The following OR9A2 variants were observed in gnomAD, a reference collection of about 807,000 sequenced individuals.
OR9A2 encodes olfactory receptor 9A2.
Under a neutral mutation model 18.7 loss-of-function variants are expected in OR9A2, and 14 were observed. That is an observed-to-expected ratio of 0.75 (90% confidence interval 0.50 to 1.17). The LOEUF is 1.17. Ranked by LOEUF, OR9A2 falls within the 50% of genes most tolerant of loss-of-function variation. The pLI is 0.00. For missense variants in OR9A2, 353 were observed against 372.7 expected (o/e 0.95, Z 0.44); for synonymous variants, 142 against 142.6 (o/e 1.00, Z 0.03).
At position 143,026,488 on chromosome 7, in the gene OR9A2, G is replaced by C. The variant is rs771444215; in HGVS notation, c.645C>G (p.Thr215=). 3 of 1,614,076 alleles carry C rather than the reference G, an allele frequency of 1.9e-6. No individual in the cohort carries two copies. The highest frequency in any genetic ancestry group is 2.2e-5 in the South Asian group (2 of 91,064). ...TCTTGAGGATGGTGGAGATAATGTAGGTGTAGGAGACAATCGTAGGGATCA... is the reference window on the plus strand; with the variant it reads ...TCTTGAGGATGGTGGAGATAATGTACGTGTAGGAGACAATCGTAGGGATCA... The part of the protein sequence containing the change: ...GSLIPTIVSY[T]YIISTILKIP... Residue 215 remains threonine (T), a synonymous_variant, in exon 1 of 1, where the codon ACC becomes ACG. Transcript: ENST00000350513.
rs1469895177 is a variant in OR9A2, at chr7:143,027,083, G to A, written c.50C>T (p.Pro17Leu). ...AATGTGGTGTAGTCCTTGGGACCCA[G>A]GGAAGCCTAGAAGGTGGAATTCAGT... ...SATEFHLLGF[P>L]GSQGLHHILF... is the part of the protein sequence containing the mutation. The change falls in exon 1 of 1, where the codon CCT becomes CTT. Residue 17 changes from proline (P) to leucine (L), a missense_variant. Transcript: ENST00000350513. The A allele has an allele frequency of 1.9e-6, 3 of 1,611,870 alleles. No individual in the cohort carries two copies. The highest frequency in any genetic ancestry group is 1.3e-5 in the African/African-American group (1 of 74,814).
Position 143,026,878 on chromosome 7 carries a change from G to A in OR9A2, c.255C>T (p.Leu85=), listed in dbSNP as rs1439253644. Residue 85 remains leucine, a synonymous_variant, in exon 1 of 1, where the codon CTC becomes CTT. Coordinates refer to ENST00000350513, the MANE Select transcript of OR9A2 (RefSeq NM_001001658.1). ...AAAGATACTGTCTGCATCCCAGGAA[G>A]AGCAATCCCCAAAGCATCATGGGGA... ...IIVPMMLWGL[L]FLGCRQYLSL... The A allele has an allele frequency of 8.1e-6, 13 of 1,614,036 alleles. No homozygotes were observed. Among genetic ancestry groups the A allele is most frequent in the Non-Finnish European group, 1.1e-5 (13 of 1,180,038 alleles).
chr7:143,026,365 C>A lies in OR9A2; in HGVS notation c.768G>T (p.Val256=), dbSNP rs1797839808. 1.2e-6 allele frequency: 2 copies of A among 1,614,072 alleles called. No individual in the cohort carries two copies. Among genetic ancestry groups the A allele is most frequent in the Non-Finnish European group, 1.7e-6 (2 of 1,180,014 alleles). ...IGYGSCLFLY[V]KPKQTQGVEY... is the part of the protein sequence containing the mutation. ...CAACTCCCTGTGTTTGCTTGGGTTT[C>A]ACGTAGAGAAACAAGCAGCTGCCAT... Residue 256 remains valine, a synonymous_variant, in exon 1 of 1, where the codon GTG becomes GTT. Transcript: ENST00000350513.
rs1344691305 is a variant in OR9A2, at chr7:143,026,884, T to TC, written c.248dup (p.Leu84IlefsTer41). Reference sequence around the variant, plus strand: ...ACTGTCTGCATCCCAGGAAGAGCAATCCCCAAAGCATCATGGGGACAATTA... The same window carrying TC: ...ACTGTCTGCATCCCAGGAAGAGCAATCCCCCAAAGCATCATGGGGACAATTA... On this transcript the variant is annotated frameshift_variant, in exon 1 of 1. Coordinates refer to ENST00000350513, the MANE Select transcript of OR9A2 (RefSeq NM_001001658.1). LOFTEE classifies it high-confidence loss of function. 4 of 1,614,062 alleles carry TC rather than the reference T, an allele frequency of 2.5e-6. No homozygotes were observed. The highest frequency in any genetic ancestry group is 3.4e-6 in the Non-Finnish European group (4 of 1,180,026).
rs1797853516 is a variant in OR9A2, at chr7:143,026,911, G to A, written c.222C>T (p.Thr74=). ...HLSTLEILVT[T]IIVPMMLWGL... ...CCCAAAGCATCATGGGGACAATTAT[G>A]GTTGTGACCAGGATCTCCAGGGTAG... Residue 74 remains threonine, a synonymous_variant, in exon 1 of 1, where the codon ACC becomes ACT. Coordinates refer to ENST00000350513, the MANE Select transcript of OR9A2 (RefSeq NM_001001658.1). 3.1e-6 allele frequency: 5 copies of A among 1,614,050 alleles called. No homozygotes were observed. Among genetic ancestry groups the A allele is most frequent in the Non-Finnish European group, 3.4e-6 (4 of 1,180,014 alleles).
rs746450916 is a variant in OR9A2 at position 143,026,765 on chromosome 7, C to T, written c.368G>A (p.Cys123Tyr). ...AATGATGTTGTACCTCAAAGGGTTA[C>T]ACACAGCCACATAACGGTCCACAGC... ...VMAVDRYVAVCNPLRYNIIMN... is the reference protein window; with the variant it reads ...VMAVDRYVAVYNPLRYNIIMN... The change falls in exon 1 of 1, where the codon TGT becomes TAT. Residue 123 changes from cysteine to tyrosine, a missense_variant. Physicochemically the swap from Cys to Tyr is radical, Grantham distance 194. Transcript: ENST00000350513. 2.0e-5 allele frequency: 32 copies of T among 1,614,152 alleles called. No individual in the cohort carries two copies. The highest frequency in any genetic ancestry group is 1.6e-4 in the Middle Eastern group (1 of 6,062).
Position 143,027,128 on chromosome 7 carries a change from A to C in OR9A2, c.5T>G (p.Met2Arg), listed in dbSNP as rs778094485. Residue 2 changes from methionine (M) to arginine (R), a missense_variant, in exon 1 of 1, where the codon ATG becomes AGG. Transcript: ENST00000350513. M[M>R]DNHSSATEFH... ...TTCAGTGGCACTAGAGTGGTTGTCC[A>C]TCATTTAGTCCTTGATTCTGCTTGT... The C allele has an allele frequency of 6.3e-7, 1 of 1,585,828 alleles. No homozygotes were observed. Among genetic ancestry groups the C allele is most frequent in the Non-Finnish European group, 8.6e-7 (1 of 1,165,156 alleles).
Position 143,026,694 on chromosome 7 carries a change from A to G in OR9A2, c.439T>C (p.Phe147Leu), listed in dbSNP as rs1562985028. Residue 147 changes from phenylalanine to leucine, a missense_variant, in exon 1 of 1, where the codon TTT becomes CTT. Coordinates refer to ENST00000350513, the MANE Select transcript of OR9A2 (RefSeq NM_001001658.1). ...GGCCAGATTTCAGAAAGAAATCCAA[A>G]CACCCATGACACTATTACCACCCAA... ...CIWVVIVSWV[F>L]GFLSEIWPIY... is the part of the protein sequence containing the mutation. 1 of 1,614,134 alleles carries G rather than the reference A, an allele frequency of 6.2e-7. No individual in the cohort carries two copies.
At position 143,026,849 on chromosome 7, in the gene OR9A2, A is replaced by G. The variant is rs893311810; in HGVS notation, c.284T>C (p.Leu95Pro). The change falls in exon 1 of 1, where the codon CTA becomes CCA. Residue 95 changes from leucine (L) to proline (P), a missense_variant. Coordinates refer to ENST00000350513, the MANE Select transcript of OR9A2 (RefSeq NM_001001658.1). ...LFLGCRQYLS[L>P]HVSLNFSCGT... ...ACAGGAAAAGTTGAGCGATACATGTAGAGAAAGATACTGTCTGCATCCCAG... is the reference window on the plus strand; with the variant it reads ...ACAGGAAAAGTTGAGCGATACATGTGGAGAAAGATACTGTCTGCATCCCAG... 1 of 1,614,106 alleles carries G rather than the reference A, an allele frequency of 6.2e-7. No homozygotes were observed. Among genetic ancestry groups the G allele is most frequent in the African/African-American group, 1.3e-5 (1 of 74,934 alleles).
Position 143,027,105 on chromosome 7 carries a change from C to A in OR9A2, c.28G>T (p.Glu10Ter), listed in dbSNP as rs1797858788. The change falls in exon 1 of 1, where the codon GAA (glutamate) becomes TAA (stop). Residue 10 changes from glutamate (E) to a stop codon, truncating the protein, a stop_gained. Coordinates refer to ENST00000350513, the MANE Select transcript of OR9A2 (RefSeq NM_001001658.1). LOFTEE classifies it high-confidence loss of function. ...CCAGGGAAGCCTAGAAGGTGGAATT[C>A]AGTGGCACTAGAGTGGTTGTCCATC... The part of the protein sequence containing the change: MMDNHSSAT[E>*]FHLLGFPGSQ... 1 of 1,606,472 alleles carries A rather than the reference C, an allele frequency of 6.2e-7. No homozygotes were observed. Among genetic ancestry groups the A allele is most frequent in the Middle Eastern group, 1.7e-4 (1 of 6,020 alleles).
Position 143,027,068 on chromosome 7 carries a change from A to G in OR9A2, c.65T>C (p.Leu22Pro). 1 of 1,613,750 alleles carries G rather than the reference A, an allele frequency of 6.2e-7. No individual in the cohort carries two copies. Among genetic ancestry groups the G allele is most frequent in the Non-Finnish European group, 8.5e-7 (1 of 1,179,814 alleles). ...HLLGFPGSQG[L>P]HHILFAIFFF... is the part of the protein sequence containing the mutation. ...GAATATAGCAAAAAGAATGTGGTGT[A>G]GTCCTTGGGACCCAGGGAAGCCTAG... Residue 22 changes from leucine (L) to proline (P), a missense_variant, in exon 1 of 1, where the codon CTA becomes CCA. Physicochemically the swap from Leu to Pro is moderately conservative, Grantham distance 98. Transcript: ENST00000350513.
Position 143,026,992 on chromosome 7 carries a change from A to C in OR9A2, c.141T>G (p.Ile47Met), listed in dbSNP as rs139542601. Residue 47 changes from isoleucine to methionine, a missense_variant, in exon 1 of 1, where the codon ATT (isoleucine) becomes ATG (methionine). Ile to Met is a conservative substitution (Grantham distance 10). Transcript: ENST00000350513. ...ACTGCAGACGTTTATCCACACAGAC[A>C]ATCACAATGATGACCGTGTTTCCCA... Reference protein sequence around the residue: ...TLMGNTVIIVIVCVDKRLQSP... With the variant: ...TLMGNTVIIVMVCVDKRLQSP... The C allele has an allele frequency of 5.9e-5, 96 of 1,614,182 alleles. No individual in the cohort carries two copies. The highest frequency in any genetic ancestry group is 7.7e-5 in the Non-Finnish European group (91 of 1,180,032).
Position 143,026,823 on chromosome 7 carries a change from C to G in OR9A2, c.310G>C (p.Gly104Arg), listed in dbSNP as rs762738086. 6.2e-7 allele frequency: 1 copy of G among 1,614,116 alleles called. No individual in the cohort carries two copies. Among genetic ancestry groups the G allele is most frequent in the Non-Finnish European group, 8.5e-7 (1 of 1,180,028 alleles). Reference protein sequence around the residue: ...SLHVSLNFSCGTMEFALLGVM... With the variant: ...SLHVSLNFSCRTMEFALLGVM... ...CCAAGTAATGCAAACTCCATGGTCCCACAGGAAAAGTTGAGCGATACATGT... is the reference window on the plus strand; with the variant it reads ...CCAAGTAATGCAAACTCCATGGTCCGACAGGAAAAGTTGAGCGATACATGT... Residue 104 changes from glycine to arginine, a missense_variant, in exon 1 of 1, where the codon GGG (glycine) becomes CGG (arginine). Coordinates refer to ENST00000350513, the MANE Select transcript of OR9A2 (RefSeq NM_001001658.1).
At position 143,026,983 on chromosome 7, in the gene OR9A2, C is replaced by T. The variant is rs746664509; in HGVS notation, c.150G>A (p.Val50=). The change falls in exon 1 of 1, where the codon GTG becomes GTA. Residue 50 remains valine, a synonymous_variant. Coordinates refer to ENST00000350513, the MANE Select transcript of OR9A2 (RefSeq NM_001001658.1). ...ACATGGGGGACTGCAGACGTTTATC[C>T]ACACAGACAATCACAATGATGACCG... is the stretch of plus-strand genomic sequence containing the variant. The part of the protein sequence containing the change: ...GNTVIIVIVC[V]DKRLQSPMYF... 6.2e-7 allele frequency: 1 copy of T among 1,613,984 alleles called. No individual in the cohort carries two copies. The highest frequency in any genetic ancestry group is 8.5e-7 in the Non-Finnish European group (1 of 1,180,022).
chr7:143,026,690 C>T lies in OR9A2; in HGVS notation c.443G>A (p.Gly148Glu). The T allele has an allele frequency of 6.2e-7, 1 of 1,614,036 alleles. No individual in the cohort carries two copies. The highest frequency in any genetic ancestry group is 1.1e-5 in the South Asian group (1 of 91,060). Residue 148 changes from glycine (G) to glutamate (E), a missense_variant, in exon 1 of 1, where the codon GGA becomes GAA. By Grantham distance (98) the Gly-to-Glu change is moderately conservative. Transcript: ENST00000350513. ...GATGGGCCAGATTTCAGAAAGAAAT[C>T]CAAACACCCATGACACTATTACCAC... ...IWVVIVSWVF[G>E]FLSEIWPIYA...
chr7:143,027,100 G>T lies in OR9A2; in HGVS notation c.33C>A (p.Phe11Leu). The stretch of plus-strand genomic sequence containing the variant: ...GGGACCCAGGGAAGCCTAGAAGGTG[G>T]AATTCAGTGGCACTAGAGTGGTTGT... MMDNHSSATE[F>L]HLLGFPGSQG... The change falls in exon 1 of 1, where the codon TTC becomes TTA. Residue 11 changes from phenylalanine to leucine, a missense_variant. Phe to Leu is a conservative substitution (Grantham distance 22). Transcript: ENST00000350513. 3.1e-6 allele frequency: 5 copies of T among 1,607,878 alleles called. No individual in the cohort carries two copies. The highest frequency in any genetic ancestry group is 4.2e-6 in the Non-Finnish European group (5 of 1,176,574).
Position 143,026,605 on chromosome 7 carries a change from G to C in OR9A2, c.528C>G (p.Asp176Glu). Residue 176 changes from aspartate to glutamate, a missense_variant, in exon 1 of 1, where the codon GAC becomes GAG. Coordinates refer to ENST00000350513, the MANE Select transcript of OR9A2 (RefSeq NM_001001658.1). ...AGGACAGTTTGAGCAATTGCCCTCG[G>C]TCACAGTAAAAATGGTCTAATGAAT... ...KSNSLDHFYC[D>E]RGQLLKLSCD... 2 of 1,614,180 alleles carry C rather than the reference G, an allele frequency of 1.2e-6. No individual in the cohort carries two copies. Among genetic ancestry groups the C allele is most frequent in the Non-Finnish European group, 1.7e-6 (2 of 1,180,036 alleles).
chr7:143,026,951 A>G lies in OR9A2; in HGVS notation c.182T>C (p.Phe61Ser). 8.1e-6 allele frequency: 13 copies of G among 1,614,164 alleles called. No individual in the cohort carries two copies. Among genetic ancestry groups the G allele is most frequent in the Non-Finnish European group, 1.1e-5 (13 of 1,180,026 alleles). Reference sequence around the variant, plus strand: ...CTCCAGGGTAGAGAGGTGGCTGAGGAAGAAATACATGGGGGACTGCAGACG... The same window carrying G: ...CTCCAGGGTAGAGAGGTGGCTGAGGGAGAAATACATGGGGGACTGCAGACG... ...DKRLQSPMYF[F>S]LSHLSTLEIL... The change falls in exon 1 of 1, where the codon TTC becomes TCC. Residue 61 changes from phenylalanine to serine, a missense_variant. Physicochemically the swap from Phe to Ser is radical, Grantham distance 155. Transcript: ENST00000350513.
Position 143,026,640 on chromosome 7 carries a change from G to A in OR9A2, c.493C>T (p.Arg165Cys), listed in dbSNP as rs143573729. Residue 165 changes from arginine (R) to cysteine (C), a missense_variant, in exon 1 of 1, where the codon CGC (arginine) becomes TGC (cysteine). By Grantham distance (180) the Arg-to-Cys change is radical. Coordinates refer to ENST00000350513, the MANE Select transcript of OR9A2 (RefSeq NM_001001658.1). Reference sequence around the variant, plus strand: ...AAATGGTCTAATGAATTTGATTTGCGGAAGGTAAACTGAAATGTGGCATAG... The same window carrying A: ...AAATGGTCTAATGAATTTGATTTGCAGAAGGTAAACTGAAATGTGGCATAG... Reference protein sequence around the residue: ...PIYATFQFTFRKSNSLDHFYC... With the variant: ...PIYATFQFTFCKSNSLDHFYC... The A allele has an allele frequency of 1.3e-3, 2,105 of 1,614,152 alleles. 2 individuals are homozygous for A. Among genetic ancestry groups the A allele is most frequent in the Middle Eastern group, 3.0e-3 (18 of 6,062 alleles).
Sources: allele counts gnomAD v4.1 joint callset, GRCh38; gene constraint gnomAD v4.1.1; transcripts MANE v1.5; gene names NCBI Gene and HGNC (gene_info 2026-07-23, HGNC 2026-07-21).